BRINP2: variants seen among roughly 807,000 people sequenced by gnomAD.
The protein encoded by BRINP2 is BMP/retinoic acid inducible neural specific 2.
BRINP2 carries 21 observed loss-of-function variants against 69.2 expected under a neutral mutation model. The observed-to-expected ratio is 0.30, with a 90% confidence interval of 0.22 to 0.44. The LOEUF (loss-of-function observed/expected upper bound fraction) is 0.44, where lower values mean the gene tolerates loss of function less well. Among genes scored for constraint, BRINP2 ranks in the 20% least tolerant of loss-of-function variants. The pLI is 1.00. For missense variants in BRINP2, 877 were observed against 986.0 expected (o/e 0.89, Z 1.48); for synonymous variants, 380 against 394.1 (o/e 0.96, Z 0.42).
intron 1 of BRINP2, among the ~76,000 whole-genome samples, chr1:177,175,963 G>T (rs1454552757): frequency 6.6e-6 from 1 of 152,214 alleles, no homozygotes; most frequent in Non-Finnish European, 1.5e-5. Context: ...ATCTAGAAAG[G>T]AAGAGACAGA....
At chr1:177,206,383 T>G (rs980557758) in intron 1 of BRINP2, among the ~76,000 whole-genome samples, 5 of 152,232 alleles carry the variant, frequency 3.3e-5, no homozygotes, top group African/African-American at 9.6e-5. Flanking sequence ...TACATAGTAA[T>G]AGATTGTTAG....
intron 1 of BRINP2, among the ~76,000 whole-genome samples, chr1:177,176,289 T>C (rs1196811762): frequency 6.6e-6 from 1 of 152,156 alleles, no homozygotes; most frequent in African/African-American, 2.4e-5. Context: ...GCACTTGAAA[T>C]GTATGCTGTA....
rs973271890 is a variant in BRINP2, at chr1:177,248,252, A to G, written c.270-7667A>G. Among the ~76,000 whole-genome samples, 5 of 152,284 alleles carry G rather than the reference A, an allele frequency of 3.3e-5. No homozygotes were observed. In the East Asian group the frequency reaches 9.7e-4, roughly 29 times the overall value. Reference sequence around the variant, plus strand: ...TTTTTTCAGATTTTAGAATATTTGCATTATACTGGATCAGCATCTCTAATC... The same window carrying G: ...TTTTTTCAGATTTTAGAATATTTGCGTTATACTGGATCAGCATCTCTAATC... On this transcript the variant is annotated intron_variant, in intron 2 of 7. Transcript: ENST00000361539.
chr1:177,242,404 T>C (rs1375990674), intron 2 of BRINP2, among the ~76,000 whole-genome samples: 2 of 152,180 alleles, frequency 1.3e-5, no homozygotes, highest in Non-Finnish European at 2.9e-5. Flanking sequence ...CATTTCTTCC[T>C]GTTTTTCTTC....
At chr1:177,275,796 G>T (rs1230013937) in intron 5 of BRINP2, among the ~76,000 whole-genome samples, 1 of 152,104 alleles carries the variant, frequency 6.6e-6, no homozygotes, top group Non-Finnish European at 1.5e-5. Flanking sequence ...CAGGAGGCAG[G>T]GCAAAAAGCC....
chr1:177,265,766 C>T (rs1353779456), intron 4 of BRINP2, among the ~76,000 whole-genome samples: 1 of 152,114 alleles, frequency 6.6e-6, no homozygotes, highest in African/African-American at 2.4e-5. Flanking sequence ...TCAGTTTACT[C>T]ATCCTAAAAT....
At chr1:177,271,505 A>C (rs1456557027) in intron 4 of BRINP2, among the ~76,000 whole-genome samples, 1 of 152,188 alleles carries the variant, frequency 6.6e-6, no homozygotes, top group Admixed American at 6.5e-5. Flanking sequence ...TAAAGTTAGA[A>C]TCCTGTTTCT....
At chr1:177,191,898 C>T (rs1018687274) in intron 1 of BRINP2, among the ~76,000 whole-genome samples, 1 of 152,158 alleles carries the variant, frequency 6.6e-6, no homozygotes, top group Admixed American at 6.5e-5. Flanking sequence ...AATGAATCAC[C>T]TTTACAAAGA....
chr1:177,188,700 G>GT (rs1437101564), intron 1 of BRINP2, among the ~76,000 whole-genome samples: 1 of 152,094 alleles, frequency 6.6e-6, no homozygotes, highest in Non-Finnish European at 1.5e-5. Flanking sequence ...AGGTACACGT[G>GT]TTTTTTCCCA....
chr1:177,221,445 C>T (rs1025237659), intron 1 of BRINP2, among the ~76,000 whole-genome samples: 9 of 152,278 alleles, frequency 5.9e-5, no homozygotes, highest in African/African-American at 1.9e-4. Flanking sequence ...CCTCACTTTT[C>T]CCCAAACCAG....
intron 1 of BRINP2, among the ~76,000 whole-genome samples, chr1:177,199,600 T>C (rs1648844055): frequency 6.6e-6 from 1 of 152,180 alleles, no homozygotes; most frequent in African/African-American, 2.4e-5. Flanking sequence ...TTCCTTTCTT[T>C]AGTGAAGATT....
At chr1:177,193,330 T>C (rs554529640) in intron 1 of BRINP2, among the ~76,000 whole-genome samples, 1 of 152,316 alleles carries the variant, frequency 6.6e-6, no homozygotes, top group East Asian at 1.9e-4. Flanking sequence ...ATTTGAGCAA[T>C]TGCAAGCTAT....
chr1:177,280,469 C>T lies in BRINP2; in HGVS notation c.1293C>T (p.Thr431=). The change falls in exon 8 of 8, where the codon ACC becomes ACT. Residue 431 remains threonine, a synonymous_variant. Transcript: ENST00000361539. ...CCCTCCTCTACTGTGGGGAAAGCACCTTTCCTGGCACTTTCCTGGAACAGA... is the reference window on the plus strand; with the variant it reads ...CCCTCCTCTACTGTGGGGAAAGCACTTTTCCTGGCACTTTCCTGGAACAGA... The part of the protein sequence containing the change: ...IQSLLYCGES[T]FPGTFLEQSH... The T allele has an allele frequency of 2.5e-6, 4 of 1,614,098 alleles. No homozygotes were observed. Among genetic ancestry groups the T allele is most frequent in the Non-Finnish European group, 3.4e-6 (4 of 1,179,990 alleles).
At chr1:177,276,479 G>C in intron 6 of BRINP2, 45 bp downstream of exon 6, 1 of 1,567,164 alleles carries the variant, frequency 6.4e-7, no homozygotes, top group Non-Finnish European at 8.8e-7. Flanking sequence ...GTGGCTGTGA[G>C]GTACAGAGCA....
chr1:177,251,262 T>C (rs781638572), intron 2 of BRINP2, among the ~76,000 whole-genome samples: 13 of 152,232 alleles, frequency 8.5e-5, no homozygotes, highest in African/African-American at 1.4e-4. Context: ...AGGAACATTT[T>C]GCTGCGGTGT....
intron 2 of BRINP2, 123 bp from the exon 3 acceptor site, chr1:177,255,796 G>C: frequency 1.0e-6 from 1 of 998,406 alleles, no homozygotes; most frequent in Non-Finnish European, 1.5e-6. Context: ...TCCAGCTGAG[G>C]GGATGTGGGC....
chr1:177,172,611 TCTC>T (rs1209496599), intron 1 of BRINP2, among the ~76,000 whole-genome samples: 4 of 152,026 alleles, frequency 2.6e-5, no homozygotes, highest in African/African-American at 7.2e-5. Flanking sequence ...AGAGGACTCT[TCTC>T]CTCACCAAGC....
At chr1:177,246,630 T>C (rs1650393466) in intron 2 of BRINP2, among the ~76,000 whole-genome samples, 1 of 152,156 alleles carries the variant, frequency 6.6e-6, no homozygotes, top group African/African-American at 2.4e-5. Context: ...TGGAAATAGA[T>C]CAGGAGGGCC....
intron 2 of BRINP2, among the ~76,000 whole-genome samples, chr1:177,233,587 C>G (rs1487358904): frequency 6.6e-6 from 1 of 152,166 alleles, no homozygotes; most frequent in East Asian, 1.9e-4. Flanking sequence ...GAAGGGGGAA[C>G]ACTGTTCTCT....
Sources: gnomAD v4.1 joint callset for allele counts (sites outside exome capture counted in the v4.1 genomes callset) on GRCh38, gnomAD v4.1.1 for gene constraint, MANE v1.5 for transcripts, NCBI Gene and HGNC (gene_info 2026-07-23, HGNC 2026-07-21) for gene names.